The following DPP10 variants were observed in gnomAD, a reference collection of about 807,000 sequenced individuals.
The protein encoded by DPP10 is inactive dipeptidyl peptidase 10.
DPP10 carries 33 observed loss-of-function variants against 120.9 expected under a neutral mutation model. That is an observed-to-expected ratio of 0.27 (90% CI 0.21 to 0.37). The LOEUF is 0.37. Ranked by LOEUF, DPP10 falls within the 10% of genes least tolerant of loss-of-function variation. DPP10 has a pLI of 1.00. For synonymous variants in DPP10, 337 were observed against 326.1 expected (o/e 1.03, Z -0.36); for missense variants, 816 against 942.8 (o/e 0.87, Z 1.76).
At chr2:115,583,285 G>C (rs879608759) in intron 5 of DPP10, among the ~76,000 whole-genome samples, 3 of 152,122 alleles carry the variant, frequency 2.0e-5, no homozygotes, top group Admixed American at 6.5e-5. Context: ...TATGTCTAAG[G>C]TTAGTAGCAT....
chr2:115,814,910 C>T lies in DPP10; in HGVS notation c.1818C>T (p.Phe606=). Residue 606 remains phenylalanine (F), a synonymous_variant, in exon 20 of 26, where the codon TTC becomes TTT. Coordinates refer to ENST00000410059, the MANE Select transcript of DPP10 (RefSeq NM_020868.6). ...GATTTGATGGCAGAGGAAGTGGATT[C>T]CAGGGTCTGAAAATTTTGCAGGAGA... ...VARFDGRGSG[F]QGLKILQEIH... The T allele has an allele frequency of 6.2e-7, 1 of 1,612,482 alleles. No homozygotes were observed. Among genetic ancestry groups the T allele is most frequent in the Non-Finnish European group, 8.5e-7 (1 of 1,178,938 alleles).
chr2:115,385,902 T>C (rs2066898070), intron 3 of DPP10, among the ~76,000 whole-genome samples: 1 of 152,218 alleles, frequency 6.6e-6, no homozygotes, highest in Admixed American at 6.5e-5. Flanking sequence ...TGATATACAT[T>C]TTCCTCTTTG....
At chr2:115,378,829 G>T (rs1036856297) in intron 3 of DPP10, among the ~76,000 whole-genome samples, 33 of 152,112 alleles carry the variant, frequency 2.2e-4, no homozygotes, top group African/African-American at 7.2e-4. Context: ...TTTGTCTTTG[G>T]TTCTGTTTAT....
chr2:115,328,317 G>A (rs1287542783), intron 2 of DPP10, among the ~76,000 whole-genome samples: 1 of 152,068 alleles, frequency 6.6e-6, no homozygotes, highest in Admixed American at 6.6e-5. Flanking sequence ...TTCAGGAGAT[G>A]TTAATTTGAA....
intron 3 of DPP10, among the ~76,000 whole-genome samples, chr2:115,496,529 C>T (rs932560085): frequency 6.6e-6 from 1 of 152,142 alleles, no homozygotes; most frequent in Admixed American, 6.6e-5. Context: ...CTTTCGATCA[C>T]CCCTAATAAC....
At chr2:115,640,178 G>A (rs2086664269) in intron 5 of DPP10, among the ~76,000 whole-genome samples, 1 of 152,018 alleles carries the variant, frequency 6.6e-6, no homozygotes, top group Non-Finnish European at 1.5e-5. Context: ...CTCAGGGAAG[G>A]AAAAGTAATA....
chr2:115,680,833 A>G (rs2090602409), intron 5 of DPP10, among the ~76,000 whole-genome samples: 1 of 151,976 alleles, frequency 6.6e-6, no homozygotes, highest in African/African-American at 2.4e-5. Context: ...TCATATAAAA[A>G]GAGCTTTTAG....
intron 5 of DPP10, among the ~76,000 whole-genome samples, chr2:115,626,908 C>T (rs1234624121): frequency 6.6e-6 from 1 of 152,118 alleles, no homozygotes; most frequent in Non-Finnish European, 1.5e-5. Context: ...ACTCACTAAA[C>T]ACACATTGAA....
intron 3 of DPP10, among the ~76,000 whole-genome samples, chr2:115,370,910 G>A (rs900551304): frequency 2.6e-5 from 4 of 151,976 alleles, no homozygotes; most frequent in Admixed American, 2.6e-4. Flanking sequence ...TAAACAAACT[G>A]TATAAATAAA....
chr2:115,308,442 C>G (rs2061445674), intron 1 of DPP10, among the ~76,000 whole-genome samples: 1 of 152,030 alleles, frequency 6.6e-6, no homozygotes, highest in Non-Finnish European at 1.5e-5. Flanking sequence ...GCAAAAAAAG[C>G]TGACTTTCAT....
chr2:115,629,255 G>A (rs946425089), intron 5 of DPP10, among the ~76,000 whole-genome samples: 6 of 152,104 alleles, frequency 3.9e-5, no homozygotes, highest in Admixed American at 6.6e-5. Flanking sequence ...TTGCTATTGC[G>A]AATAGTGCTG....
Position 115,842,481 on chromosome 2 carries a change from A to C in DPP10, c.*136A>C. 1 of 1,008,978 alleles carries C rather than the reference A, an allele frequency of 9.9e-7. No individual in the cohort carries two copies. Among genetic ancestry groups the C allele is most frequent in the East Asian group, 2.6e-5 (1 of 37,858 alleles). 62.5% of individuals were successfully genotyped at this position (1,008,978 alleles called of 1,614,324 possible). A position where few individuals can be genotyped will look rare whatever the true frequency, so the allele number is the denominator to read the frequency against. On this transcript the variant is annotated 3_prime_UTR_variant, in exon 26 of 26. Coordinates refer to ENST00000410059, the MANE Select transcript of DPP10 (RefSeq NM_020868.6). Reference sequence around the variant, plus strand: ...TCACTGGAGCAGCACGCTCAGAGACAGTGAACTAGCATTTGAATACACAAG... The same window carrying C: ...TCACTGGAGCAGCACGCTCAGAGACCGTGAACTAGCATTTGAATACACAAG...
intron 1 of DPP10, among the ~76,000 whole-genome samples, chr2:115,096,551 A>G (rs982129891): frequency 2.6e-5 from 4 of 152,130 alleles, no homozygotes; most frequent in African/African-American, 9.7e-5. Context: ...ACATTCATAT[A>G]CATATACACA....
At chr2:115,058,462 C>T (rs11690485) in intron 1 of DPP10, among the ~76,000 whole-genome samples, 39,698 of 151,984 alleles carry the variant, frequency 0.26, 5,648 homozygotes, top group East Asian at 0.31. Context: ...TGCAGTGGCG[C>T]GATCTCGGTT....
chr2:115,586,926 G>C (rs2082322502), intron 5 of DPP10, among the ~76,000 whole-genome samples: 1 of 151,828 alleles, frequency 6.6e-6, no homozygotes, highest in South Asian at 2.1e-4. Context: ...GTATATATGT[G>C]ATGATTTGAT....
At chr2:114,987,808 T>TTTTTTTTTTTTTTA (rs1279486876) in intron 1 of DPP10, among the ~76,000 whole-genome samples, 4 of 127,748 alleles carry the variant, frequency 3.1e-5, no homozygotes, top group South Asian at 2.7e-4. Context: ...GACTGTCTTT[T>TTTTTTTTTTTTTTA]TTTTTTTTAT....
At position 115,697,774 on chromosome 2, in the gene DPP10, G is replaced by A. The variant is rs112720552; in HGVS notation, c.576+7853G>A. On this transcript the variant is annotated intron_variant, in intron 7 of 25. Transcript: ENST00000410059. ...GCTGAGGCGGGCGGATCACGAGGTC[G>A]GGAGATCGAGACCATCCTGGCTAAC... Among the ~76,000 whole-genome samples the A allele has an allele frequency of 1.3e-3, 201 of 151,792 alleles. 1 individual carries two copies. Among genetic ancestry groups the A allele is most frequent in the Middle Eastern group, 3.4e-3 (1 of 292 alleles).
chr2:115,814,928 G>A lies in DPP10; in HGVS notation c.1836G>A (p.Leu612=). The A allele has an allele frequency of 6.2e-7, 1 of 1,612,556 alleles. No individual in the cohort carries two copies. Among genetic ancestry groups the A allele is most frequent in the Non-Finnish European group, 8.5e-7 (1 of 1,178,902 alleles). The stretch of plus-strand genomic sequence containing the variant: ...GTGGATTCCAGGGTCTGAAAATTTT[G>A]CAGGAGATTCATCGAAGATTAGGTT... ...RGSGFQGLKI[L]QEIHRRLGSV... is the part of the protein sequence containing the mutation. Residue 612 remains leucine, a synonymous_variant, in exon 20 of 26, where the codon TTG becomes TTA. Coordinates refer to ENST00000410059, the MANE Select transcript of DPP10 (RefSeq NM_020868.6).
rs116628512 is a variant in DPP10 at position 114,503,670 on chromosome 2, A to C, written c.60+60832A>C. 5.2e-3 allele frequency among the ~76,000 whole-genome samples: 794 copies of C among 152,290 alleles called. 1 individual carries two copies. The highest frequency in any genetic ancestry group is 8.6e-3 in the Non-Finnish European group (583 of 68,026). The stretch of plus-strand genomic sequence containing the variant: ...TGGGACAAGAAGGGAAGGGGGTTGG[A>C]TGCAGGATTAAGACAAGTGAAACTG... On this transcript the variant is annotated intron_variant, in intron 1 of 25. Transcript: ENST00000410059.
Sources: allele counts gnomAD v4.1 joint callset (sites outside exome capture counted in the v4.1 genomes callset), GRCh38; gene constraint gnomAD v4.1.1; transcripts MANE v1.5; gene names NCBI Gene and HGNC (gene_info 2026-07-23, HGNC 2026-07-21).